CACNB2: variants seen among roughly 807,000 people sequenced by gnomAD.
The protein encoded by CACNB2 is voltage-dependent L-type calcium channel subunit beta-2.
In CACNB2, 42 loss-of-function variants were observed where a neutral mutation model predicts 73.3. The ratio of observed to expected loss-of-function variants is 0.57; its 90% CI spans 0.45 to 0.74. The LOEUF (loss-of-function observed/expected upper bound fraction) is 0.74. Among genes scored for constraint, CACNB2 ranks in the 30% least tolerant of loss-of-function variants. CACNB2 has a pLI of 0.00. For synonymous variants in CACNB2, 348 were observed against 310.3 expected, an observed-to-expected ratio of 1.12 and a Z score of -1.28; for missense variants, 940 against 853.0, an observed-to-expected ratio of 1.10 and a Z score of -1.27.
intron 2 of CACNB2, among the ~76,000 whole-genome samples, chr10:18,298,204 A>G (rs2039356473): frequency 6.6e-6 from 1 of 152,108 alleles, no homozygotes; most frequent in East Asian, 1.9e-4. Flanking sequence ...CCCCATCTCT[A>G]CTAAAAATAC....
At chr10:18,203,786 A>T (rs73595521) in intron 2 of CACNB2, among the ~76,000 whole-genome samples, 5,261 of 151,696 alleles carry the variant, frequency 0.035, 301 homozygotes, top group African/African-American at 0.12. Flanking sequence ...TTGTTGGAAT[A>T]AAAAAAAAGA....
intron 2 of CACNB2, among the ~76,000 whole-genome samples, chr10:18,218,472 A>T (rs1161525607): frequency 1.3e-5 from 2 of 152,212 alleles, no homozygotes; most frequent in African/African-American, 4.8e-5. Flanking sequence ...AAGAAAATGG[A>T]GGCCCAGAGA....
chr10:18,491,179 C>T (rs2049398792), intron 3 of CACNB2, among the ~76,000 whole-genome samples: 1 of 152,264 alleles, frequency 6.6e-6, no homozygotes, highest in African/African-American at 2.4e-5. Flanking sequence ...TGGCCTCAAA[C>T]ATTCATATCC....
At chr10:18,428,513 C>T (rs1157444097) in intron 3 of CACNB2, among the ~76,000 whole-genome samples, 1 of 151,892 alleles carries the variant, frequency 6.6e-6, no homozygotes, top group African/African-American at 2.4e-5. Context: ...ATGGTGAAAC[C>T]CCTTCTCTAC....
At chr10:18,340,657 A>G in intron 2 of CACNB2, 2 of 1,358,902 alleles carry the variant, frequency 1.5e-6, no homozygotes, top group Admixed American at 3.1e-5. Flanking sequence ...AGAGGAGAAT[A>G]AGACCCTCCC....
intron 11 of CACNB2, among the ~76,000 whole-genome samples, chr10:18,535,646 G>A (rs1283864816): frequency 1.4e-5 from 2 of 140,624 alleles, no homozygotes; most frequent in Admixed American, 1.4e-4. Flanking sequence ...GGTGGCGGGT[G>A]CCTGTAGTCC....
At chr10:18,306,429 G>C (rs1372425325) in intron 2 of CACNB2, among the ~76,000 whole-genome samples, 1 of 152,170 alleles carries the variant, frequency 6.6e-6, no homozygotes, top group Non-Finnish European at 1.5e-5. Flanking sequence ...GGTTTCCTGT[G>C]GTTAATGACA....
chr10:18,290,100 TTTTTTCTTTTTC>T (rs1205771519), intron 2 of CACNB2, among the ~76,000 whole-genome samples: 1 of 145,284 alleles, frequency 6.9e-6, no homozygotes, highest in African/African-American at 2.6e-5. Flanking sequence ...AGTTTTTTTC[TTTTTTCTTTTTC>T]TTTTTTTTTT....
chr10:18,476,481 G>C (rs2048446516), intron 3 of CACNB2, among the ~76,000 whole-genome samples: 1 of 152,112 alleles, frequency 6.6e-6, no homozygotes, highest in African/African-American at 2.4e-5. Flanking sequence ...TGTTTGCTTG[G>C]TATACACGCT....
At chr10:18,241,647 AACCATGAAT>A (rs1278338740) in intron 2 of CACNB2, among the ~76,000 whole-genome samples, 1 of 152,202 alleles carries the variant, frequency 6.6e-6, no homozygotes, top group African/African-American at 2.4e-5. Context: ...GTAAAAAATT[AACCATGAAT>A]ACAAAAATGA....
intron 2 of CACNB2, among the ~76,000 whole-genome samples, chr10:18,371,208 TG>T (rs1259448761): frequency 2.2e-5 from 3 of 136,506 alleles, no homozygotes; most frequent in Non-Finnish European, 4.8e-5. Context: ...GTTTTTATTT[TG>T]TTTTTTTTAA....
At chr10:18,506,683 A>G in intron 6 of CACNB2, 136 bp downstream of exon 6, 1 of 699,874 alleles carries the variant, frequency 1.4e-6, no homozygotes, top group Non-Finnish European at 2.6e-6. Context: ...AGAAGTGAGC[A>G]TGCCCTTTTG....
intron 2 of CACNB2, among the ~76,000 whole-genome samples, chr10:18,268,618 T>A (rs17682059): frequency 0.13 from 19,139 of 152,230 alleles, 1,479 homozygotes; most frequent in Non-Finnish European, 0.17. Context: ...TTTACCAGTA[T>A]ACGAACAGCA....
chr10:18,315,512 A>AAC (rs2040138348), intron 2 of CACNB2, among the ~76,000 whole-genome samples: 1 of 127,112 alleles, frequency 7.9e-6, no homozygotes, highest in Non-Finnish European at 1.7e-5. Context: ...AAAAAAAAAA[A>AAC]AAAAAAAAAA....
intron 12 of CACNB2, among the ~76,000 whole-genome samples, chr10:18,537,286 CTTTT>C (rs1368163078): frequency 6.6e-6 from 1 of 151,798 alleles, no homozygotes; most frequent in Non-Finnish European, 1.5e-5. Context: ...CTGCACCAGG[CTTTT>C]TTTTCTTTTT....
intron 2 of CACNB2, among the ~76,000 whole-genome samples, chr10:18,232,101 T>C (rs2036246077): frequency 6.6e-6 from 1 of 152,216 alleles, no homozygotes; most frequent in Non-Finnish European, 1.5e-5. Context: ...GTAACAATGA[T>C]ACATACTTTC....
At chr10:18,336,297 T>A (rs2041002134) in intron 2 of CACNB2, among the ~76,000 whole-genome samples, 1 of 152,220 alleles carries the variant, frequency 6.6e-6, no homozygotes, top group South Asian at 2.1e-4. Flanking sequence ...ATACAAGAAC[T>A]GGTTAATACT....
Position 18,150,980 on chromosome 10 carries a change from G to C in CACNB2, c.213+5G>C. 1 of 1,559,670 alleles carries C rather than the reference G, an allele frequency of 6.4e-7. No homozygotes were observed. Among genetic ancestry groups the C allele is most frequent in the Non-Finnish European group, 8.8e-7 (1 of 1,136,498 alleles). On this transcript the variant is annotated splice_donor_5th_base_variant and intron_variant, in intron 2 of 13. Transcript: ENST00000324631. ...TCAAATAGTTTTGTTCGCCAGGTAA[G>C]AGTTTTAAGTTCATGGTTTTGATAA...
chr10:18,537,246 C>T (rs1191141961), intron 12 of CACNB2, among the ~76,000 whole-genome samples: 1 of 152,032 alleles, frequency 6.6e-6, no homozygotes, highest in Non-Finnish European at 1.5e-5. Flanking sequence ...CCTTGGCCTC[C>T]CAAAGTGCTG....
Sources: gnomAD v4.1 joint callset for allele counts (sites outside exome capture counted in the v4.1 genomes callset) on GRCh38, gnomAD v4.1.1 for gene constraint, MANE v1.5 for transcripts, NCBI Gene and HGNC (gene_info 2026-07-23, HGNC 2026-07-21) for gene names.